Variants in EXOC6 observed in about 807,000 individuals in gnomAD.
EXOC6 encodes SEC15-like 1.
EXOC6 carries 60 observed loss-of-function variants against 112.5 expected under a neutral mutation model. The observed-to-expected ratio is 0.53, with a 90% confidence interval of 0.43 to 0.66. The LOEUF is 0.66. Ranked by LOEUF, EXOC6 falls within the 30% of genes least tolerant of loss-of-function variation. The pLI is 0.00. For missense variants in EXOC6, 855 were observed against 957.1 expected, an observed-to-expected ratio of 0.89 and a Z score of 1.41; for synonymous variants, 295 against 308.0, an observed-to-expected ratio of 0.96 and a Z score of 0.44.
At chr10:92,886,321 T>C (rs1057358115) in intron 1 of EXOC6, among the ~76,000 whole-genome samples, 8 of 152,358 alleles carry the variant, frequency 5.3e-5, no homozygotes, top group Admixed American at 5.2e-4. Flanking sequence ...TTTCTCTACT[T>C]CTTTTTGCTC....
upstream of EXOC6, among the ~76,000 whole-genome samples, chr10:92,833,240 G>A (rs990189938): frequency 6.6e-6 from 1 of 152,166 alleles, no homozygotes; most frequent in Non-Finnish European, 1.5e-5. Flanking sequence ...TCATCAGAGT[G>A]GATTTGAATA....
intron 20 of EXOC6, among the ~76,000 whole-genome samples, chr10:93,033,045 G>C (rs1845341896): frequency 6.6e-6 from 1 of 152,156 alleles, no homozygotes; most frequent in African/African-American, 2.4e-5. Flanking sequence ...AATGAAATTA[G>C]GAGGATTATC....
intron 18 of EXOC6, among the ~76,000 whole-genome samples, chr10:92,977,865 A>G (rs1564881487): frequency 6.6e-6 from 1 of 152,176 alleles, no homozygotes; most frequent in African/African-American, 2.4e-5. Context: ...TCCTAGAGGA[A>G]ACCCTGCTTT....
At chr10:92,911,224 C>T (rs1757258807) in intron 6 of EXOC6, among the ~76,000 whole-genome samples, 1 of 151,818 alleles carries the variant, frequency 6.6e-6, no homozygotes, top group African/African-American at 2.4e-5. Context: ...TTTTTTCCCC[C>T]AAGTATTACA....
chr10:93,057,178 A>C, intron 21 of EXOC6, 142 bp downstream of exon 21: 1 of 487,882 alleles, frequency 2.0e-6, no homozygotes, highest in Non-Finnish European at 3.5e-6. Context: ...ACCAAAAAAT[A>C]AGCTTTTCTT....
intron 6 of EXOC6, among the ~76,000 whole-genome samples, chr10:92,910,223 A>G (rs1181376253): frequency 6.6e-6 from 1 of 152,194 alleles, no homozygotes; most frequent in Non-Finnish European, 1.5e-5. Flanking sequence ...GAAACAACCC[A>G]AATGGCTTTC....
intron 13 of EXOC6, among the ~76,000 whole-genome samples, chr10:92,947,434 C>G (rs1055653395): frequency 1.7e-4 from 26 of 152,156 alleles, no homozygotes; most frequent in African/African-American, 6.3e-4. Flanking sequence ...CAGAAGAGCA[C>G]ATGGATATTT....
chr10:92,955,477 AG>A, intron 16 of EXOC6, 102 bp from the exon 17 acceptor site: 1 of 927,356 alleles, frequency 1.1e-6, no homozygotes, highest in Non-Finnish European at 1.7e-6. Flanking sequence ...GCAATTATGT[AG>A]AAATGGTACA....
At chr10:93,046,668 G>A (rs1440915273) in intron 20 of EXOC6, among the ~76,000 whole-genome samples, 1 of 151,774 alleles carries the variant, frequency 6.6e-6, no homozygotes, top group Non-Finnish European at 1.5e-5. Context: ...CATGATCTCG[G>A]CTCACTGCAA....
intron 1 of EXOC6, among the ~76,000 whole-genome samples, chr10:92,843,176 T>C (rs772341912): frequency 2.0e-5 from 3 of 152,252 alleles, no homozygotes; most frequent in Non-Finnish European, 4.4e-5. Context: ...GGTCCAGATC[T>C]TTATGGAACA....
chr10:93,009,532 G>A (rs1257193858), intron 19 of EXOC6, among the ~76,000 whole-genome samples: 3 of 152,174 alleles, frequency 2.0e-5, no homozygotes, highest in African/African-American at 7.2e-5. Flanking sequence ...ACAATTACAA[G>A]GCAGCAAAGT....
chr10:93,008,534 A>G (rs771892373), intron 19 of EXOC6, among the ~76,000 whole-genome samples: 1 of 152,228 alleles, frequency 6.6e-6, no homozygotes, highest in African/African-American at 2.4e-5. Flanking sequence ...ATGACAAATT[A>G]TATACAAAAT....
intron 20 of EXOC6, among the ~76,000 whole-genome samples, chr10:93,019,583 TA>T (rs1844689398): frequency 1.3e-5 from 2 of 152,180 alleles, no homozygotes; most frequent in Admixed American, 1.3e-4. Context: ...AGGATTTGAC[TA>T]AAATGTCATG....
At chr10:92,839,078 A>G (rs1846752038) in intron 1 of EXOC6, among the ~76,000 whole-genome samples, 2 of 152,156 alleles carry the variant, frequency 1.3e-5, no homozygotes. Flanking sequence ...TCTAAAAAAA[A>G]AAAAAATCCC....
chr10:92,895,601 T>C (rs1205954645), intron 4 of EXOC6, among the ~76,000 whole-genome samples: 1 of 152,208 alleles, frequency 6.6e-6, no homozygotes, highest in Non-Finnish European at 1.5e-5. Flanking sequence ...GGAAATTAAC[T>C]AGTATTTTCT....
chr10:92,923,098 T>C (rs1416789991), intron 8 of EXOC6, among the ~76,000 whole-genome samples: 5 of 152,202 alleles, frequency 3.3e-5, no homozygotes, highest in African/African-American at 1.2e-4. Flanking sequence ...TAATAAGTTA[T>C]GGTGTGTAGA....
At position 92,983,618 on chromosome 10, in the gene EXOC6, C is replaced by G. The variant is rs1842903666; in HGVS notation, c.1953+9386C>G. On this transcript the variant is annotated intron_variant, in intron 18 of 21. Transcript: ENST00000260762. ...CTTCCGGGTTCAAGTTATTCTTGTGCCCCAGCCTCCTGAGTAGCTGGATAA... is the reference window on the plus strand; with the variant it reads ...CTTCCGGGTTCAAGTTATTCTTGTGGCCCAGCCTCCTGAGTAGCTGGATAA... Among the ~76,000 whole-genome samples the G allele has an allele frequency of 2.0e-5, 3 of 151,586 alleles. No homozygotes were observed. In the South Asian group the frequency reaches 6.3e-4, roughly 32 times the overall value.
intron 9 of EXOC6, among the ~76,000 whole-genome samples, chr10:92,929,588 T>A (rs2133938755): frequency 6.6e-6 from 1 of 152,338 alleles, no homozygotes; most frequent in Middle Eastern, 3.4e-3. Context: ...CTACTTAGTA[T>A]ATTTAAAGAA....
chr10:93,031,945 C>T (rs1312590154), intron 20 of EXOC6, among the ~76,000 whole-genome samples: 1 of 152,130 alleles, frequency 6.6e-6, no homozygotes, highest in African/African-American at 2.4e-5. Flanking sequence ...GTCTGGGCTT[C>T]TCAATATAAT....
Sources: allele counts gnomAD v4.1 joint callset (sites outside exome capture counted in the v4.1 genomes callset), GRCh38; gene constraint gnomAD v4.1.1; transcripts MANE v1.5; gene names NCBI Gene and HGNC (gene_info 2026-07-23, HGNC 2026-07-21).